Variants in CREBL2 observed in about 807,000 individuals in gnomAD.
CREBL2 encodes the protein cAMP-responsive element-binding protein-like 2.
Under a neutral mutation model 19.5 loss-of-function variants are expected in CREBL2, and 4 were observed. The observed-to-expected ratio is 0.20, with a 90% CI of 0.10 to 0.47. CREBL2 has a LOEUF of 0.47. Ranked by LOEUF, CREBL2 falls within the 20% of genes least tolerant of loss-of-function variation. CREBL2 has a pLI of 0.98. For synonymous variants in CREBL2, 42 were observed against 46.6 expected (o/e 0.90, Z 0.40); for missense variants, 85 against 145.1 (o/e 0.59, Z 2.13).
intron 1 of CREBL2, among the ~76,000 whole-genome samples, chr12:12,630,949 C>A (rs189953093): frequency 5.3e-5 from 8 of 152,204 alleles, no homozygotes; most frequent in African/African-American, 1.9e-4. Flanking sequence ...TTTTAACTGT[C>A]ATTTATTAAA....
chr12:12,625,416 C>T (rs1945394393), intron 1 of CREBL2, among the ~76,000 whole-genome samples: 1 of 152,146 alleles, frequency 6.6e-6, no homozygotes, highest in African/African-American at 2.4e-5. Context: ...AGTTAACCTC[C>T]TCAGCACACC....
intron 3 of CREBL2, among the ~76,000 whole-genome samples, chr12:12,638,526 G>A (rs754261974): frequency 1.1e-4 from 17 of 152,114 alleles, no homozygotes; most frequent in Admixed American, 3.3e-4. Flanking sequence ...TAAATTTATC[G>A]AAATTTTATT....
At chr12:12,629,385 T>G (rs188404198) in intron 1 of CREBL2, among the ~76,000 whole-genome samples, 3 of 152,308 alleles carry the variant, frequency 2.0e-5, no homozygotes, top group African/African-American at 7.2e-5. Context: ...CTACTGTAAG[T>G]GGAGTCATTT....
At position 12,635,924 on chromosome 12, in the gene CREBL2, G is replaced by A. The variant is rs773475628; in HGVS notation, c.163G>A (p.Val55Ile). 1.2e-6 allele frequency: 2 copies of A among 1,614,160 alleles called. No homozygotes were observed. Among genetic ancestry groups the A allele is most frequent in the Admixed American group, 1.7e-5 (1 of 60,028 alleles). Residue 55 changes from valine (V) to isoleucine (I), a missense_variant, in exon 2 of 4, where the codon GTA becomes ATA. Physicochemically the swap from Val to Ile is conservative, Grantham distance 29. Around this residue, in one of 5 missense-constraint regions of CREBL2, gnomAD observed 22 missense variants for 46.7 expected, o/e 0.47. Coordinates refer to ENST00000228865, the MANE Select transcript of CREBL2 (RefSeq NM_001310.4). ...KLRYQYLEEL[V>I]SSRERAICAL... is the part of the protein sequence containing the mutation. ...GAGATATCAGTATTTGGAAGAGTTG[G>A]TATCCAGTCGAGAAAGAGCTATATG...
At chr12:12,622,074 C>T (rs990411253) in intron 1 of CREBL2, among the ~76,000 whole-genome samples, 1 of 152,178 alleles carries the variant, frequency 6.6e-6, no homozygotes, top group Non-Finnish European at 1.5e-5. Context: ...TATTTAATCT[C>T]TTCAGATATT....
At chr12:12,615,020 G>T (rs1321072324) in intron 1 of CREBL2, among the ~76,000 whole-genome samples, 1 of 151,998 alleles carries the variant, frequency 6.6e-6, no homozygotes, top group Non-Finnish European at 1.5e-5. Flanking sequence ...ACCATGTCCG[G>T]CTAATTTTTT....
chr12:12,625,250 A>G (rs1486870710), intron 1 of CREBL2, among the ~76,000 whole-genome samples: 1 of 152,082 alleles, frequency 6.6e-6, no homozygotes, highest in Non-Finnish European at 1.5e-5. Context: ...TTCTGTCTAG[A>G]ATTTTCTGTC....
intron 1 of CREBL2, among the ~76,000 whole-genome samples, chr12:12,618,915 T>A (rs1320462722): frequency 2.0e-5 from 3 of 152,110 alleles, no homozygotes; most frequent in Non-Finnish European, 4.4e-5. Flanking sequence ...GGCGCACACC[T>A]GCAATCCCAG....
chr12:12,618,933 G>A (rs1020989856), intron 1 of CREBL2, among the ~76,000 whole-genome samples: 3 of 152,176 alleles, frequency 2.0e-5, no homozygotes, highest in African/African-American at 7.2e-5. Context: ...CAGGCACTCG[G>A]CAGGTTGAGG....
chr12:12,625,134 G>T (rs1446184025), intron 1 of CREBL2, among the ~76,000 whole-genome samples: 1 of 152,154 alleles, frequency 6.6e-6, no homozygotes, highest in Admixed American at 6.5e-5. Flanking sequence ...GGTGATTTAG[G>T]AAAAGGCAAC....
rs1277499484 is a variant in CREBL2 at position 12,642,700 on chromosome 12, C to G, written c.*702C>G. On this transcript the variant is annotated 3_prime_UTR_variant, in exon 4 of 4. Transcript: ENST00000228865. ...GTTAAAACCTTTGTTGCTGTCCTCT[C>G]AAACTATATTTATAAAAATTTGCTA... 1 of 152,234 alleles carries G rather than the reference C, an allele frequency of 6.6e-6. No homozygotes were observed. Among genetic ancestry groups the G allele is most frequent in the Non-Finnish European group, 1.5e-5 (1 of 68,042 alleles). 9.4% of individuals were successfully genotyped at this position (152,234 alleles called of 1,614,324 possible).
intron 1 of CREBL2, among the ~76,000 whole-genome samples, chr12:12,620,080 C>G (rs1410087122): frequency 1.3e-5 from 2 of 152,250 alleles, no homozygotes; most frequent in East Asian, 3.9e-4. Context: ...TTGGAGCTAC[C>G]TTCCTTGGGC....
intron 1 of CREBL2, among the ~76,000 whole-genome samples, chr12:12,625,386 G>A (rs1592239494): frequency 6.6e-6 from 1 of 152,178 alleles, no homozygotes; most frequent in Admixed American, 6.5e-5. Context: ...TCAATGAGGT[G>A]TAACATGAAA....
chr12:12,628,622 T>A (rs548761457), intron 1 of CREBL2, among the ~76,000 whole-genome samples: 25 of 152,296 alleles, frequency 1.6e-4, no homozygotes, highest in Middle Eastern at 3.4e-3. Context: ...CTATTTTTTT[T>A]AAATTTGAGA....
At chr12:12,613,774 C>G (rs1945285532) in intron 1 of CREBL2, among the ~76,000 whole-genome samples, 1 of 152,044 alleles carries the variant, frequency 6.6e-6, no homozygotes, top group Admixed American at 6.6e-5. Context: ...TGTTTGTTTA[C>G]AACAATGCAA....
At position 12,644,027 on chromosome 12, in the gene CREBL2, G is replaced by A. The variant is rs577341811; in HGVS notation, c.*2029G>A. On this transcript the variant is annotated 3_prime_UTR_variant, in exon 4 of 4. Transcript: ENST00000228865. Reference sequence around the variant, plus strand: ...AATGAATGTCGCTCTTCAATGGAACGTCTTTATTGTGCTTGAAGTATTTCT... The same window carrying A: ...AATGAATGTCGCTCTTCAATGGAACATCTTTATTGTGCTTGAAGTATTTCT... 5 of 152,674 alleles carry A rather than the reference G, an allele frequency of 3.3e-5. No individual in the cohort carries two copies. The highest frequency in any genetic ancestry group is 6.5e-5 in the Admixed American group (1 of 15,282). 9.5% of individuals were successfully genotyped at this position (152,674 alleles called of 1,614,324 possible). A position where few individuals can be genotyped will look rare whatever the true frequency, so the allele number is the denominator to read the frequency against.
chr12:12,624,067 T>C (rs1166966544), intron 1 of CREBL2, among the ~76,000 whole-genome samples: 2 of 152,186 alleles, frequency 1.3e-5, no homozygotes, highest in African/African-American at 4.8e-5. Context: ...AGCCAGAGAA[T>C]AAATTTTTGT....
chr12:12,616,888 C>T (rs951048590), intron 1 of CREBL2, among the ~76,000 whole-genome samples: 1 of 152,038 alleles, frequency 6.6e-6, no homozygotes, highest in African/African-American at 2.4e-5. Flanking sequence ...GACAGCAAGA[C>T]CAGGGCAACA....
At position 12,642,151 on chromosome 12, in the gene CREBL2, A is replaced by G; in HGVS notation, c.*153A>G. 1 of 466,890 alleles carries G rather than the reference A, an allele frequency of 2.1e-6. No homozygotes were observed. The highest frequency in any genetic ancestry group is 3.8e-6 in the Non-Finnish European group (1 of 266,054). The allele number at this position is 466,890 out of a possible 1,614,324, so 28.9% of individuals were successfully genotyped here. The stretch of plus-strand genomic sequence containing the variant: ...AATTTCTACCAAAATGTGTGATCGT[A>G]GATCTCAAAGGATCTTGCTTTAACT... On this transcript the variant is annotated 3_prime_UTR_variant, in exon 4 of 4. Transcript: ENST00000228865.
Sources: gnomAD v4.1 joint callset for allele counts (sites outside exome capture counted in the v4.1 genomes callset) on GRCh38, gnomAD v4.1.1 for gene constraint, gnomAD v4.1.1 regional missense constraint, MANE v1.5 for transcripts, NCBI Gene and HGNC (gene_info 2026-07-23, HGNC 2026-07-21) for gene names.